Variants in DGKB observed in about 807,000 individuals in gnomAD.
DGKB encodes the protein 90 kDa diacylglycerol kinase.
In DGKB, 67 loss-of-function variants were observed where a neutral mutation model predicts 114.3. That is an observed-to-expected ratio of 0.59 (90% CI 0.48 to 0.72). The LOEUF (loss-of-function observed/expected upper bound fraction) is 0.72, where lower values mean the gene tolerates loss of function less well. Among genes scored for constraint, DGKB ranks in the 30% least tolerant of loss-of-function variants. The pLI is 0.00. For missense variants in DGKB, 907 were observed against 975.2 expected (o/e 0.93, Z 0.93); for synonymous variants, 398 against 323.1 (o/e 1.23, Z -2.49).
At chr7:14,210,859 T>C (rs1787655018) in intron 23 of DGKB, among the ~76,000 whole-genome samples, 1 of 152,060 alleles carries the variant, frequency 6.6e-6, no homozygotes, top group Admixed American at 6.6e-5. Flanking sequence ...CCTCTGTCTT[T>C]GACTTTATAA....
intron 21 of DGKB, among the ~76,000 whole-genome samples, chr7:14,394,607 T>A (rs1821938389): frequency 6.6e-6 from 1 of 152,112 alleles, no homozygotes; most frequent in Non-Finnish European, 1.5e-5. Flanking sequence ...ATGAATGCCA[T>A]GTAAGTTGTT....
At chr7:14,730,686 T>C (rs896013020) in intron 5 of DGKB, among the ~76,000 whole-genome samples, 6 of 152,160 alleles carry the variant, frequency 3.9e-5, no homozygotes, top group Non-Finnish European at 5.9e-5. Flanking sequence ...TTCTTCACTG[T>C]GACTCTGGAT....
intron 1 of DGKB, among the ~76,000 whole-genome samples, chr7:14,911,394 A>G (rs1783994530): frequency 6.6e-6 from 1 of 151,970 alleles, no homozygotes; most frequent in Non-Finnish European, 1.5e-5. Context: ...TGGGCTTAGG[A>G]TAATTAATTA....
At chr7:14,960,323 A>G (rs1169645512) in intron 1 of DGKB, among the ~76,000 whole-genome samples, 1 of 152,042 alleles carries the variant, frequency 6.6e-6, no homozygotes, top group Non-Finnish European at 1.5e-5. Context: ...CAAAATCTGA[A>G]TTTTTTATAC....
In DGKB at chr7:14,148,737, A is replaced by G; in HGVS notation, c.*394T>C. ...AATTATGATCATTGTAGCGTTACTG[A>G]TTAGTGCTTCGTAATAATTGGAATC... On this transcript the variant is annotated 3_prime_UTR_variant, in exon 26 of 26. Coordinates refer to ENST00000402815, the MANE Select transcript of DGKB (RefSeq NM_001350709.2). 1 of 274,344 alleles carries G rather than the reference A, an allele frequency of 3.6e-6. No individual in the cohort carries two copies. Among genetic ancestry groups the G allele is most frequent in the Non-Finnish European group, 7.0e-6 (1 of 142,060 alleles). 17.0% of individuals were successfully genotyped at this position (274,344 alleles called of 1,614,324 possible). A position where few individuals can be genotyped will look rare whatever the true frequency, so the allele number is the denominator to read the frequency against.
intron 23 of DGKB, among the ~76,000 whole-genome samples, chr7:14,318,344 C>A (rs1342712763): frequency 6.6e-6 from 1 of 151,692 alleles, no homozygotes; most frequent in African/African-American, 2.4e-5. Flanking sequence ...TCAGAGTGAA[C>A]AGGCAACCTA....
intron 1 of DGKB, among the ~76,000 whole-genome samples, chr7:14,959,513 C>T (rs1275028550): frequency 6.6e-6 from 1 of 151,688 alleles, no homozygotes; most frequent in Non-Finnish European, 1.5e-5. Context: ...GTATTTACAG[C>T]CCTAGGATTC....
rs756008833 is a variant in DGKB at position 14,571,932 on chromosome 7, A to T, written c.1770+2280T>A. ...GACAAACATAGGAACAATGATAACC[A>T]CTGTGGGCAGATAAAAATCCAGAGA... On this transcript the variant is annotated intron_variant, in intron 20 of 25. Coordinates refer to ENST00000402815, the MANE Select transcript of DGKB (RefSeq NM_001350709.2). Among the ~76,000 whole-genome samples, 2 of 152,160 alleles carry T rather than the reference A, an allele frequency of 1.3e-5. 1 individual carries two copies. The highest frequency in any genetic ancestry group is 4.1e-4 in the South Asian group (2 of 4,832).
chr7:14,199,320 A>G (rs146487174), intron 23 of DGKB, among the ~76,000 whole-genome samples: 157 of 152,104 alleles, frequency 1.0e-3, no homozygotes, highest in African/African-American at 3.5e-3. Context: ...TGGTGGGGGG[A>G]ATACAGAATG....
intron 21 of DGKB, among the ~76,000 whole-genome samples, chr7:14,405,385 A>T (rs1330383094): frequency 6.6e-6 from 1 of 152,160 alleles, no homozygotes; most frequent in East Asian, 1.9e-4. Context: ...ATAATTCATG[A>T]CAAGCTACTT....
At chr7:14,273,055 C>T (rs1798493805) in intron 23 of DGKB, among the ~76,000 whole-genome samples, 1 of 152,054 alleles carries the variant, frequency 6.6e-6, no homozygotes, top group Non-Finnish European at 1.5e-5. Flanking sequence ...TTAGAAAGAT[C>T]ACAGTGGGGT....
chr7:14,917,226 G>T (rs528840506), intron 1 of DGKB, among the ~76,000 whole-genome samples: 4 of 151,930 alleles, frequency 2.6e-5, no homozygotes, highest in Non-Finnish European at 4.4e-5. Context: ...CTTAGGACTA[G>T]AGAAAGTAAA....
At chr7:14,507,646 T>C (rs1787299122) in intron 20 of DGKB, among the ~76,000 whole-genome samples, 2 of 152,200 alleles carry the variant, frequency 1.3e-5, no homozygotes, top group Admixed American at 1.3e-4. Context: ...GGGAGGGCCA[T>C]ATGTTGAACC....
At chr7:14,688,139 C>T (rs763312694) in intron 9 of DGKB, among the ~76,000 whole-genome samples, 15 of 151,994 alleles carry the variant, frequency 9.9e-5, no homozygotes, top group Non-Finnish European at 2.2e-4. Flanking sequence ...TTACTTAGAT[C>T]GTAAACTTAA....
chr7:14,424,400 C>T (rs1827190055), intron 21 of DGKB, among the ~76,000 whole-genome samples: 1 of 142,606 alleles, frequency 7.0e-6, no homozygotes, highest in South Asian at 2.2e-4. Flanking sequence ...CCATTTTCTT[C>T]ATCTTTTTTT....
intron 2 of DGKB, among the ~76,000 whole-genome samples, chr7:14,799,376 A>G (rs987270291): frequency 2.0e-5 from 3 of 152,224 alleles, no homozygotes; most frequent in Non-Finnish European, 4.4e-5. Context: ...CTTCTAGAAG[A>G]TACCACAGCA....
intron 25 of DGKB, among the ~76,000 whole-genome samples, chr7:14,164,567 T>C (rs181323243): frequency 1.4e-3 from 209 of 152,338 alleles, no homozygotes; most frequent in African/African-American, 4.7e-3. Context: ...AGTTTTAACA[T>C]AATTTTCTTT....
At chr7:14,357,451 A>G (rs1263732983) in intron 21 of DGKB, among the ~76,000 whole-genome samples, 2 of 152,122 alleles carry the variant, frequency 1.3e-5, no homozygotes, top group Non-Finnish European at 2.9e-5. Context: ...TTTGCTTGGT[A>G]GATCTTCCTC....
In DGKB at chr7:14,515,565, T is replaced by C. The variant is rs370001183; in HGVS notation, c.1771-37340A>G. Reference sequence around the variant, plus strand: ...TATCAACAGATTTCAAAAAGAGATTTAGGCACCTCATCCAAAAATGTATAA... The same window carrying C: ...TATCAACAGATTTCAAAAAGAGATTCAGGCACCTCATCCAAAAATGTATAA... On this transcript the variant is annotated intron_variant, in intron 20 of 25. Transcript: ENST00000402815. Among the ~76,000 whole-genome samples, 7 of 152,324 alleles carry C rather than the reference T, an allele frequency of 4.6e-5. No individual in the cohort carries two copies. The East Asian group carries it at 1.2e-3, about 25-fold the overall frequency.
Sources: allele counts gnomAD v4.1 joint callset (sites outside exome capture counted in the v4.1 genomes callset), GRCh38; gene constraint gnomAD v4.1.1; transcripts MANE v1.5; gene names NCBI Gene and HGNC (gene_info 2026-07-23, HGNC 2026-07-21).